The following MACROD2 variants were observed in gnomAD, a reference collection of about 807,000 sequenced individuals.
MACROD2 encodes the protein ADP-ribose glycohydrolase MACROD2.
In MACROD2, 36 loss-of-function variants were observed where a neutral mutation model predicts 70.4. The observed-to-expected ratio is 0.51, with a 90% CI of 0.39 to 0.68. MACROD2 has a LOEUF of 0.68. Among genes scored for constraint, MACROD2 ranks in the 30% least tolerant of loss-of-function variants. The probability of loss-of-function intolerance (pLI) is 0.00; values close to 1 mark genes in which losing one functional copy is unlikely to be tolerated. For missense variants in MACROD2, 496 were observed against 538.4 expected, an observed-to-expected ratio of 0.92 and a Z score of 0.78; for synonymous variants, 172 against 178.8, an observed-to-expected ratio of 0.96 and a Z score of 0.30.
At chr20:15,175,510 C>T (rs1442813169) in intron 5 of MACROD2, among the ~76,000 whole-genome samples, 1 of 152,070 alleles carries the variant, frequency 6.6e-6, no homozygotes, top group African/African-American at 2.4e-5. Flanking sequence ...GTCATTTTAC[C>T]ACCCAGGTTT....
At chr20:14,722,005 G>A (rs1264747184) in intron 5 of MACROD2, among the ~76,000 whole-genome samples, 1 of 152,168 alleles carries the variant, frequency 6.6e-6, no homozygotes, top group Non-Finnish European at 1.5e-5. Context: ...TCCTGACTCA[G>A]TAAAGAGGTA....
intron 5 of MACROD2, among the ~76,000 whole-genome samples, chr20:15,115,301 C>T (rs2075984095): frequency 2.6e-5 from 4 of 152,084 alleles, no homozygotes; most frequent in Admixed American, 2.0e-4. Flanking sequence ...ACTATCTTGG[C>T]TCACTGCTGT....
At chr20:15,198,205 C>T (rs1215266075) in intron 5 of MACROD2, among the ~76,000 whole-genome samples, 1 of 152,050 alleles carries the variant, frequency 6.6e-6, no homozygotes, top group African/African-American at 2.4e-5. Flanking sequence ...GTGATCCACC[C>T]GCCTCAGCCT....
intron 8 of MACROD2, among the ~76,000 whole-genome samples, chr20:15,827,256 A>T (rs917189241): frequency 2.0e-5 from 3 of 152,164 alleles, no homozygotes; most frequent in Non-Finnish European, 4.4e-5. Context: ...GATATCCATG[A>T]TTTATACCCA....
chr20:15,549,923 T>C (rs1197089016), intron 8 of MACROD2, among the ~76,000 whole-genome samples: 1 of 152,026 alleles, frequency 6.6e-6, no homozygotes, highest in African/African-American at 2.4e-5. Context: ...TCATTCCAAA[T>C]GCGACATATA....
chr20:15,105,014 G>A (rs528415843), intron 5 of MACROD2, among the ~76,000 whole-genome samples: 31 of 152,176 alleles, frequency 2.0e-4, no homozygotes, highest in Admixed American at 7.2e-4. Flanking sequence ...TGCATGCAGC[G>A]TATTGGTAAA....
chr20:15,851,986 C>T (rs1052693395), intron 8 of MACROD2, among the ~76,000 whole-genome samples: 2 of 152,142 alleles, frequency 1.3e-5, no homozygotes, highest in Non-Finnish European at 2.9e-5. Flanking sequence ...TGGCATTTCC[C>T]CTCAGTCTCT....
At chr20:14,862,141 TATTATAC>T (rs1568839197) in intron 5 of MACROD2, among the ~76,000 whole-genome samples, 1 of 37,018 alleles carries the variant, frequency 2.7e-5, no homozygotes, top group Non-Finnish European at 4.5e-5. Flanking sequence ...TATAAATATA[TATTATAC>T]ATAAATATAT....
chr20:14,152,069 C>T (rs546560013), intron 3 of MACROD2, among the ~76,000 whole-genome samples: 79 of 152,176 alleles, frequency 5.2e-4, no homozygotes, highest in African/African-American at 1.9e-3. Flanking sequence ...GATCTGCCCG[C>T]GTCAGCCTCC....
At chr20:14,800,721 T>G (rs574631007) in intron 5 of MACROD2, among the ~76,000 whole-genome samples, 2 of 152,248 alleles carry the variant, frequency 1.3e-5, no homozygotes, top group East Asian at 3.9e-4. Context: ...TCCTTTCTGT[T>G]TGAAGGCCGG....
intron 6 of MACROD2, among the ~76,000 whole-genome samples, chr20:15,313,470 G>A (rs916512908): frequency 7.2e-6 from 1 of 139,670 alleles, no homozygotes; most frequent in Non-Finnish European, 1.5e-5. Flanking sequence ...TCACACCACT[G>A]CACTCCAGCC....
Position 14,470,406 on chromosome 20 carries a change from C to T in MACROD2, c.272-23073C>T, listed in dbSNP as rs189634371. On this transcript the variant is annotated intron_variant, in intron 3 of 17. Transcript: ENST00000684519. ...TCTCCCAGTCAGGAGATACGGGGAT[C>T]GAGGACTCACTTGGGGAGGCAGTCT... Among the ~76,000 whole-genome samples the T allele has an allele frequency of 3.2e-4, 49 of 152,238 alleles. 1 individual carries two copies. The East Asian group carries it at 5.4e-3, about 17-fold the overall frequency.
At chr20:15,879,280 C>T (rs1049748871) in intron 9 of MACROD2, among the ~76,000 whole-genome samples, 1 of 152,128 alleles carries the variant, frequency 6.6e-6, no homozygotes, top group Non-Finnish European at 1.5e-5. Flanking sequence ...CTCCTAACTA[C>T]TTTCAAACTT....
At chr20:14,236,538 G>A (rs2081873512) in intron 3 of MACROD2, among the ~76,000 whole-genome samples, 1 of 151,858 alleles carries the variant, frequency 6.6e-6, no homozygotes, top group South Asian at 2.1e-4. Flanking sequence ...ATACGAAAAT[G>A]AAAGAATCAA....
Position 15,788,251 on chromosome 20 carries a change from A to T in MACROD2, c.646-74494A>T, listed in dbSNP as rs181556999. Among the ~76,000 whole-genome samples, 338 of 152,296 alleles carry T rather than the reference A, an allele frequency of 2.2e-3. 3 individuals carry two copies. Among genetic ancestry groups the T allele is most frequent in the African/African-American group, 7.5e-3 (313 of 41,554 alleles). On this transcript the variant is annotated intron_variant, in intron 8 of 17. Transcript: ENST00000684519. ...GAAAACACCTGGAAATGCCACACTT[A>T]ACTGCCGTTGCTGAGATTATTAGAG...
chr20:15,476,599 C>G (rs752195278), intron 7 of MACROD2, among the ~76,000 whole-genome samples: 1 of 151,160 alleles, frequency 6.6e-6, no homozygotes, highest in Non-Finnish European at 1.5e-5. Context: ...GTCAACTGAG[C>G]ACAGTGTAGT....
intron 2 of MACROD2, among the ~76,000 whole-genome samples, chr20:14,077,509 A>G (rs1018819576): frequency 8.5e-5 from 13 of 152,338 alleles, no homozygotes; most frequent in African/African-American, 3.1e-4. Context: ...TGTAAGTTAA[A>G]CTACTAAAAA....
chr20:15,673,145 A>G (rs1167483751), intron 8 of MACROD2, among the ~76,000 whole-genome samples: 1 of 152,148 alleles, frequency 6.6e-6, no homozygotes, highest in East Asian at 1.9e-4. Context: ...TCTCTACCAC[A>G]TGGAGCTCCA....
intron 3 of MACROD2, among the ~76,000 whole-genome samples, chr20:14,454,056 T>C (rs1266535393): frequency 6.6e-6 from 1 of 152,028 alleles, no homozygotes; most frequent in East Asian, 1.9e-4. Flanking sequence ...ATAGTGTCTA[T>C]TTTACTGAAC....
Sources: allele counts gnomAD v4.1 joint callset (sites outside exome capture counted in the v4.1 genomes callset), GRCh38; gene constraint gnomAD v4.1.1; transcripts MANE v1.5; gene names NCBI Gene and HGNC (gene_info 2026-07-23, HGNC 2026-07-21).